The following CWC27 variants were observed in gnomAD, a reference collection of about 807,000 sequenced individuals.
CWC27 encodes spliceosome-associated protein CWC27 homolog.
Under a neutral mutation model 63.6 loss-of-function variants are expected in CWC27, and 47 were observed. The observed-to-expected ratio is 0.74, with a 90% CI of 0.58 to 0.94. The LOEUF (loss-of-function observed/expected upper bound fraction) is 0.94. Ranked by LOEUF, CWC27 falls within the 40% of genes least tolerant of loss-of-function variation. The pLI, the probability that CWC27 is intolerant of heterozygous loss-of-function variation, is 0.00. For synonymous variants in CWC27, 175 were observed against 179.8 expected (o/e 0.97, Z 0.22); for missense variants, 495 against 554.3 (o/e 0.89, Z 1.07).
Position 64,875,340 on chromosome 5 carries a change from A to T in CWC27, c.939-10103A>T, listed in dbSNP as rs113054440. 4.8e-3 allele frequency among the ~76,000 whole-genome samples: 732 copies of T among 152,238 alleles called. 5 individuals carry two copies. Among genetic ancestry groups the T allele is most frequent in the African/African-American group, 0.017 (690 of 41,544 alleles). On this transcript the variant is annotated intron_variant, in intron 10 of 13. Transcript: ENST00000381070. ...TTTCTAAATTACAATATATTTAAAG[A>T]TATGGATATAGTCTTTTTATTCGTA... is the stretch of plus-strand genomic sequence containing the variant.
At chr5:64,976,468 A>T (rs1202368125) in intron 12 of CWC27, among the ~76,000 whole-genome samples, 1 of 152,244 alleles carries the variant, frequency 6.6e-6, no homozygotes, top group East Asian at 1.9e-4. Flanking sequence ...TTAGTGAATT[A>T]CCTTTCTTTC....
intron 11 of CWC27, among the ~76,000 whole-genome samples, chr5:64,956,699 G>A (rs965203267): frequency 6.6e-6 from 1 of 151,998 alleles, no homozygotes; most frequent in Non-Finnish European, 1.5e-5. Flanking sequence ...ACGCATAATA[G>A]TACCACCTAC....
At chr5:64,972,720 T>C in intron 12 of CWC27, 1 of 451,184 alleles carries the variant, frequency 2.2e-6, no homozygotes. Context: ...GTGACTATAC[T>C]ACCAGAGATA....
intron 3 of CWC27, among the ~76,000 whole-genome samples, chr5:64,782,692 A>G (rs1320564245): frequency 6.6e-6 from 1 of 152,096 alleles, no homozygotes; most frequent in Admixed American, 6.5e-5. Flanking sequence ...AAAATATGGG[A>G]GTTTTTGAAA....
At chr5:64,970,209 TA>T (rs1178452825) in intron 11 of CWC27, among the ~76,000 whole-genome samples, 2 of 137,200 alleles carry the variant, frequency 1.5e-5, no homozygotes, top group Non-Finnish European at 1.6e-5. Flanking sequence ...AATATGAAAG[TA>T]ATTTTTTTTT....
intron 11 of CWC27, among the ~76,000 whole-genome samples, chr5:64,894,654 A>G (rs1199840212): frequency 6.6e-6 from 1 of 152,218 alleles, no homozygotes; most frequent in Non-Finnish European, 1.5e-5. Context: ...AAAATGTTGG[A>G]TATAATACAA....
chr5:64,810,928 G>A (rs1642265950), intron 10 of CWC27, among the ~76,000 whole-genome samples: 1 of 152,108 alleles, frequency 6.6e-6, no homozygotes, highest in Non-Finnish European at 1.5e-5. Flanking sequence ...GGTCAAGAAA[G>A]TGAGAATCAA....
At chr5:64,835,357 T>C (rs1745633143) in intron 10 of CWC27, among the ~76,000 whole-genome samples, 1 of 151,862 alleles carries the variant, frequency 6.6e-6, no homozygotes. Flanking sequence ...TCAGTGTTCC[T>C]ATTTCCCTTT....
intron 11 of CWC27, among the ~76,000 whole-genome samples, chr5:64,928,109 C>T (rs1748156101): frequency 6.6e-6 from 1 of 151,438 alleles, no homozygotes; most frequent in East Asian, 1.9e-4. Flanking sequence ...GAGCTGAGAT[C>T]GCGCCATTGC....
chr5:64,844,231 C>T (rs1447159007), intron 10 of CWC27, among the ~76,000 whole-genome samples: 2 of 152,088 alleles, frequency 1.3e-5, no homozygotes, highest in African/African-American at 2.4e-5. Flanking sequence ...AAACCCACTC[C>T]GAAGCAATCA....
At chr5:64,991,299 G>A (rs1309558) in intron 13 of CWC27, among the ~76,000 whole-genome samples, 68,081 of 151,868 alleles carry the variant, frequency 0.45, 15,421 homozygotes, top group African/African-American at 0.47. Context: ...AGGAATGCAG[G>A]GCTTTTGGGG....
At chr5:64,792,374 C>T (rs1020371040) in intron 7 of CWC27, among the ~76,000 whole-genome samples, 2 of 152,094 alleles carry the variant, frequency 1.3e-5, no homozygotes, top group Non-Finnish European at 2.9e-5. Flanking sequence ...GAATGATTTG[C>T]TGCTCTATAT....
chr5:64,804,612 CTG>C (rs1046850549), intron 10 of CWC27: 63 of 415,678 alleles, frequency 1.5e-4, no homozygotes, highest in Admixed American at 7.4e-4. Context: ...TTATTTCTCT[CTG>C]ATCCTTTTTT....
chr5:64,954,356 A>G (rs1203279734), intron 11 of CWC27, among the ~76,000 whole-genome samples: 1 of 152,052 alleles, frequency 6.6e-6, no homozygotes, highest in Non-Finnish European at 1.5e-5. Flanking sequence ...TAGCACAATC[A>G]TGGCTCACTG....
chr5:64,997,920 T>C (rs1018479912), intron 13 of CWC27, among the ~76,000 whole-genome samples: 9 of 152,176 alleles, frequency 5.9e-5, no homozygotes, highest in Admixed American at 5.2e-4. Flanking sequence ...AATATGATTA[T>C]AGACCAGGTT....
intron 11 of CWC27, among the ~76,000 whole-genome samples, chr5:64,942,438 TAAAAAAAAAA>T (rs35936421): frequency 6.2e-5 from 6 of 96,552 alleles, no homozygotes; most frequent in African/African-American, 4.3e-5. Context: ...CCTATCTCTT[TAAAAAAAAAA>T]AAAAAAAAAA....
chr5:64,789,412 T>G (rs1743999310), intron 7 of CWC27, among the ~76,000 whole-genome samples: 3 of 152,096 alleles, frequency 2.0e-5, no homozygotes. Flanking sequence ...TTTTGTTTAT[T>G]TCATTAATTC....
intron 10 of CWC27, among the ~76,000 whole-genome samples, chr5:64,827,330 T>C (rs1745390544): frequency 6.6e-6 from 1 of 152,172 alleles, no homozygotes; most frequent in African/African-American, 2.4e-5. Context: ...CTCATCGTAC[T>C]GGAATTTATC....
At chr5:64,917,950 A>G (rs190178249) in intron 11 of CWC27, among the ~76,000 whole-genome samples, 11 of 152,134 alleles carry the variant, frequency 7.2e-5, no homozygotes, top group Non-Finnish European at 1.5e-4. Flanking sequence ...ACACACACAC[A>G]AACATACACA....
Sources: allele counts gnomAD v4.1 joint callset (sites outside exome capture counted in the v4.1 genomes callset), GRCh38; gene constraint gnomAD v4.1.1; transcripts MANE v1.5; gene names NCBI Gene and HGNC (gene_info 2026-07-23, HGNC 2026-07-21).